TANK: variants seen among roughly 807,000 people sequenced by gnomAD.
TANK encodes the protein TRAF family member associated NFKB activator.
A neutral mutation model predicts 43.6 loss-of-function variants in TANK; 15 were observed. The observed-to-expected ratio is 0.34, with a 90% CI of 0.23 to 0.53. The LOEUF is 0.53. Among genes scored for constraint, TANK ranks in the 20% least tolerant of loss-of-function variants. TANK has a pLI of 0.94. For synonymous variants in TANK, 162 were observed against 178.2 expected, an observed-to-expected ratio of 0.91 and a Z score of 0.73; for missense variants, 417 against 498.6, an observed-to-expected ratio of 0.84 and a Z score of 1.56.
chr2:161,194,570 C>T (rs1686059445), intron 2 of TANK, among the ~76,000 whole-genome samples: 1 of 152,082 alleles, frequency 6.6e-6, no homozygotes, highest in Non-Finnish European at 1.5e-5. Flanking sequence ...GTCTTTTTAT[C>T]ATAAGTTACA....
At chr2:161,146,437 C>T (rs2105219870) in intron 1 of TANK, among the ~76,000 whole-genome samples, 1 of 152,242 alleles carries the variant, frequency 6.6e-6, no homozygotes, top group South Asian at 2.1e-4. Flanking sequence ...TTTGTTCTTT[C>T]TCATCTTCAC....
At chr2:161,219,699 T>C in intron 4 of TANK, 1 of 442,432 alleles carries the variant, frequency 2.3e-6, no homozygotes, top group Admixed American at 2.9e-5. Context: ...GTCTCAGCCC[T>C]TTTTTCACTT....
chr2:161,147,030 G>T (rs1683930253), intron 1 of TANK, among the ~76,000 whole-genome samples: 1 of 152,104 alleles, frequency 6.6e-6, no homozygotes, highest in Non-Finnish European at 1.5e-5. Context: ...TGGAGTTGTT[G>T]GAGTTCCTGC....
chr2:161,172,093 A>G (rs1684965383), intron 1 of TANK, among the ~76,000 whole-genome samples: 1 of 152,200 alleles, frequency 6.6e-6, no homozygotes, highest in Admixed American at 6.5e-5. Flanking sequence ...AAAGGTTAAC[A>G]AAGCAGAGCA....
At chr2:161,179,576 A>T (rs776237365) in intron 1 of TANK, 38 bp from the exon 2 acceptor site, 5 of 1,546,102 alleles carry the variant, frequency 3.2e-6, no homozygotes, top group Middle Eastern at 1.7e-4. Flanking sequence ...GGTTTATGTA[A>T]CTTAGTAATT....
At chr2:161,152,365 C>T (rs895578378) in intron 1 of TANK, among the ~76,000 whole-genome samples, 4 of 152,104 alleles carry the variant, frequency 2.6e-5, no homozygotes, top group African/African-American at 9.7e-5. Flanking sequence ...TCATTTATCT[C>T]AAAATGTCTT....
chr2:161,212,114 G>A, intron 4 of TANK: 1 of 502,930 alleles, frequency 2.0e-6, no homozygotes, highest in Non-Finnish European at 2.6e-6. Flanking sequence ...ATACTGGGGT[G>A]CAGTGACACC....
chr2:161,204,579 TC>T lies in TANK; in HGVS notation c.209-95del, dbSNP rs1686562874. ...AAAACTCCTACCTTAAAATGTATTC[TC>T]TTTATGGTTTTGAGTTTGTATTATT... On this transcript the variant is annotated intron_variant, in intron 3 of 7. Transcript: ENST00000392749. 3.6e-6 allele frequency: 4 copies of T among 1,106,520 alleles called. No individual in the cohort carries two copies. The Admixed American group carries it at 1.0e-4, about 28-fold the overall frequency. The allele number at this position is 1,106,520 out of a possible 1,614,324, so 68.5% of individuals were successfully genotyped here.
chr2:161,185,079 A>G (rs1009866697), intron 2 of TANK, among the ~76,000 whole-genome samples: 1 of 152,174 alleles, frequency 6.6e-6, no homozygotes, highest in Admixed American at 6.6e-5. Flanking sequence ...TGAGACGCAT[A>G]GGAAGAGAAC....
intron 2 of TANK, among the ~76,000 whole-genome samples, chr2:161,198,407 T>G (rs1225962374): frequency 6.6e-6 from 1 of 152,236 alleles, no homozygotes; most frequent in East Asian, 1.9e-4. Flanking sequence ...TCTTGTGTGT[T>G]GGAGTTGCAT....
rs191134405 is a variant in TANK at position 161,197,997 on chromosome 2, G to C, written c.100-5490G>C. 3.3e-4 allele frequency among the ~76,000 whole-genome samples: 50 copies of C among 152,210 alleles called. 1 individual carries two copies. The highest frequency in any genetic ancestry group is 1.2e-3 in the African/African-American group (50 of 41,548). On this transcript the variant is annotated intron_variant, in intron 2 of 7. Transcript: ENST00000392749. ...CAAAAGCCCCCAAAAGACTTACCTT[G>C]TTCCAGCATCAACTTTAAAATCTAA...
At chr2:161,228,428 G>A (rs920511665) in intron 6 of TANK, among the ~76,000 whole-genome samples, 5 of 152,330 alleles carry the variant, frequency 3.3e-5, no homozygotes, top group Middle Eastern at 6.8e-3. Context: ...CTACTCGGGA[G>A]GCTGAGGCAG....
intron 1 of TANK, among the ~76,000 whole-genome samples, chr2:161,169,191 A>G (rs1166552005): frequency 2.6e-5 from 4 of 152,228 alleles, no homozygotes; most frequent in African/African-American, 4.8e-5. Context: ...CATCAGGCAT[A>G]GAGAGCAACT....
intron 7 of TANK, among the ~76,000 whole-genome samples, chr2:161,234,170 G>A (rs1017491764): frequency 2.0e-5 from 3 of 152,150 alleles, no homozygotes; most frequent in Non-Finnish European, 2.9e-5. Context: ...CAGTGATGTC[G>A]TGAAATCCAA....
chr2:161,176,154 A>G (rs2105287011), intron 1 of TANK, among the ~76,000 whole-genome samples: 1 of 152,300 alleles, frequency 6.6e-6, no homozygotes, highest in East Asian at 1.9e-4. Context: ...AATATTGTGG[A>G]AGATGTACTG....
At chr2:161,212,444 G>A in intron 4 of TANK, 1 of 983,860 alleles carries the variant, frequency 1.0e-6, no homozygotes. Flanking sequence ...CAGAAACTGT[G>A]TTTCCAATCT....
rs989283972 is a variant in TANK at position 161,150,589 on chromosome 2, CT to C, written c.-50+13546del. Among the ~76,000 whole-genome samples, 873 of 121,454 alleles carry C rather than the reference CT, an allele frequency of 7.2e-3. 3 individuals are homozygous for C. The highest frequency in any genetic ancestry group is 0.019 in the South Asian group (74 of 3,884). 79.7% of individuals were successfully genotyped at this position (121,454 alleles called of 152,430 possible). On this transcript the variant is annotated intron_variant, in intron 1 of 7. Transcript: ENST00000259075. The stretch of plus-strand genomic sequence containing the variant: ...ATTATTGATTTCAAATCTTCTTCTT[CT>C]TTTTTTTTTTTTTTTTTTTCTTTTG...
intron 2 of TANK, among the ~76,000 whole-genome samples, chr2:161,189,166 C>T (rs1057487640): frequency 2.0e-5 from 3 of 152,136 alleles, no homozygotes; most frequent in Non-Finnish European, 4.4e-5. Context: ...AATCCAACAG[C>T]ATATTAAAAG....
At position 161,160,800 on chromosome 2, in the gene TANK, G is replaced by A. The variant is rs149517077; in HGVS notation, c.-50+314G>A. On this transcript the variant is annotated intron_variant, in intron 1 of 7. Coordinates refer to ENST00000392749, the MANE Select transcript of TANK (RefSeq NM_001199135.3). The stretch of plus-strand genomic sequence containing the variant: ...CGGCTGCTTTGCCCGGGAAATGGGG[G>A]TGGAAGGGCCTGCGGTGTCGAGGTG... 6.0e-3 allele frequency: 3,270 copies of A among 549,390 alleles called. 52 individuals are homozygous for A. Among genetic ancestry groups the A allele is most frequent in the South Asian group, 0.014 (880 of 64,884 alleles). The allele number at this position is 549,390 out of a possible 1,614,324, so 34.0% of individuals were successfully genotyped here.
Sources: allele counts gnomAD v4.1 joint callset (sites outside exome capture counted in the v4.1 genomes callset), GRCh38; gene constraint gnomAD v4.1.1; transcripts MANE v1.5; gene names NCBI Gene and HGNC (gene_info 2026-07-23, HGNC 2026-07-21).